The following CRYBG2 variants were observed in gnomAD, a reference collection of about 807,000 sequenced individuals.
The protein encoded by CRYBG2 is beta/gamma crystallin domain-containing protein 2.
CRYBG2 carries 106 observed loss-of-function variants against 153.4 expected under a neutral mutation model. The ratio of observed to expected loss-of-function variants is 0.69; its 90% CI spans 0.59 to 0.81. CRYBG2 has a LOEUF of 0.81. Ranked by LOEUF, CRYBG2 falls within the 30% of genes least tolerant of loss-of-function variation. The pLI is 0.00. For missense variants in CRYBG2, 1,996 were observed against 2,112.0 expected (o/e 0.95, Z 1.08); for synonymous variants, 851 against 877.8 (o/e 0.97, Z 0.54).
chr1:26,349,074 T>G (rs933301708), intron 1 of CRYBG2, among the ~76,000 whole-genome samples: 64 of 151,570 alleles, frequency 4.2e-4, no homozygotes, highest in African/African-American at 1.5e-3. Flanking sequence ...GAAGCTGAGG[T>G]AGGAGAATCG....
At chr1:26,342,662 G>A (rs1017572722) in intron 5 of CRYBG2, 92 bp downstream of exon 5, 1 of 1,539,202 alleles carries the variant, frequency 6.5e-7, no homozygotes, top group African/African-American at 1.4e-5. Context: ...GCTTCCCAAA[G>A]TGCTGGCATT....
Position 26,346,654 on chromosome 1 carries a change from C to T in CRYBG2, c.4G>A (p.Glu2Lys). The T allele has an allele frequency of 7.2e-6, 11 of 1,533,418 alleles. No homozygotes were observed. Among genetic ancestry groups the T allele is most frequent in the Non-Finnish European group, 9.7e-6 (11 of 1,137,278 alleles). The allele number at this position is 1,533,418 out of a possible 1,614,324, so 95.0% of individuals were successfully genotyped here. Residue 2 changes from glutamate to lysine, a missense_variant, in exon 2 of 20, where the codon GAG becomes AAG. Physicochemically the swap from Glu to Lys is moderately conservative, Grantham distance 56. Transcript: ENST00000308182. The surrounding 1 kb of genome is among the most constrained non-coding windows in gnomAD (Gnocchi z 4.9). Reference protein sequence around the residue: MEEAGGPMARAK... With the variant: MKEAGGPMARAK... ...CGGGCCATGGGCCCACCTGCCTCCT[C>T]CATGTGGGGCCCTGGCAACCTGTCT...
intron 1 of CRYBG2, among the ~76,000 whole-genome samples, chr1:26,350,289 A>C (rs1008850325): frequency 2.6e-5 from 4 of 152,150 alleles, no homozygotes; most frequent in Non-Finnish European, 5.9e-5. Flanking sequence ...TATAAGCAAC[A>C]GAAAATAGAC....
chr1:26,345,561 A>T lies in CRYBG2; in HGVS notation c.1097T>A (p.Leu366Gln), dbSNP rs2074204527. ...RLETHVPSPGLTHPAKQPVVP... is the reference protein window; with the variant it reads ...RLETHVPSPGQTHPAKQPVVP... The stretch of plus-strand genomic sequence containing the variant: ...CACAGGCTGCTTTGCAGGGTGAGTT[A>T]GGCCAGGAGAGGGGACATGGGTCTC... Residue 366 changes from leucine (L) to glutamine (Q), a missense_variant, in exon 2 of 20, where the codon CTA becomes CAA. By Grantham distance (113) the Leu-to-Gln change is moderately radical (BLOSUM62 -2). Coordinates refer to ENST00000308182, the MANE Select transcript of CRYBG2 (RefSeq NM_001039775.4). 2 of 1,604,534 alleles carry T rather than the reference A, an allele frequency of 1.2e-6. No homozygotes were observed. Among genetic ancestry groups the T allele is most frequent in the East Asian group, 4.5e-5 (2 of 44,794 alleles).
chr1:26,336,288 T>C lies in CRYBG2; in HGVS notation c.4071+50A>G. The C allele has an allele frequency of 6.2e-7, 1 of 1,609,132 alleles. No individual in the cohort carries two copies. ...CAGCGGGGAGGGGAAAGGTCCGAAA[T>C]GAGGGGAGAGACGTGAGCCCAGCGG... is the stretch of plus-strand genomic sequence containing the variant. On this transcript the variant is annotated intron_variant, in intron 13 of 19. Transcript: ENST00000308182. The surrounding 1 kb of genome is among the most constrained non-coding windows in gnomAD (Gnocchi z 4.9).
intron 1 of CRYBG2, among the ~76,000 whole-genome samples, chr1:26,352,366 A>G (rs2074296049): frequency 6.6e-6 from 1 of 152,128 alleles, no homozygotes; most frequent in African/African-American, 2.4e-5. Context: ...CACAAATCAC[A>G]TACAGACAGA....
chr1:26,326,828 G>A (rs11588739), intron 17 of CRYBG2: 123,941 of 508,706 alleles, frequency 0.24, 16,989 homozygotes, highest in Non-Finnish European at 0.3. Context: ...TGCATGTGGC[G>A]TGTGCCCAGG....
At position 26,324,268 on chromosome 1, in the gene CRYBG2, A is replaced by T; in HGVS notation, c.4621T>A (p.Phe1541Ile). 1.2e-6 allele frequency: 2 copies of T among 1,611,604 alleles called. No individual in the cohort carries two copies. Among genetic ancestry groups the T allele is most frequent in the East Asian group, 2.2e-5 (1 of 44,882 alleles). ...TCCACATGGTCCGGCACTGCCAGGA[A>T]TCCCCCCAGTGCTGCATTCCAGAGG... ...FRLWNAALGGFLAVPDHVEDM... is the reference protein window; with the variant it reads ...FRLWNAALGGILAVPDHVEDM... Residue 1541 changes from phenylalanine to isoleucine, a missense_variant, in exon 18 of 20, where the codon TTC becomes ATC. Transcript: ENST00000308182.
chr1:26,333,319 A>G (rs1295714670), intron 14 of CRYBG2, among the ~76,000 whole-genome samples: 1 of 152,140 alleles, frequency 6.6e-6, no homozygotes, highest in Non-Finnish European at 1.5e-5. Flanking sequence ...TAATCCCAAC[A>G]CTTTGGGAGG....
chr1:26,344,667 G>A lies in CRYBG2; in HGVS notation c.1991C>T (p.Thr664Ile). ...SLAPPLTKEE[T>I]VQGPIAPATS... ...GGCAGGAGCAATTGGGCCTTGAACA[G>A]TCTCTTCCTTGGTGAGGGGCGGGGC... Residue 664 changes from threonine (T) to isoleucine (I), a missense_variant, in exon 2 of 20, where the codon ACT (threonine) becomes ATT (isoleucine). Thr to Ile is a moderately conservative substitution (Grantham distance 89, BLOSUM62 -1). Transcript: ENST00000308182. The A allele has an allele frequency of 1.3e-6, 2 of 1,534,250 alleles. No individual in the cohort carries two copies. The highest frequency in any genetic ancestry group is 2.4e-5 in the South Asian group (2 of 83,946).
chr1:26,324,041 C>T, intron 18 of CRYBG2, 111 bp downstream of exon 18: 1 of 1,191,892 alleles, frequency 8.4e-7, no homozygotes. Context: ...TCCCCAGGGT[C>T]CTGGCTTCTG....
chr1:26,324,177 T>C lies in CRYBG2; in HGVS notation c.4712A>G (p.Tyr1571Cys). The change falls in exon 18 of 20, where the codon TAC becomes TGC. Residue 1571 changes from tyrosine to cysteine, a missense_variant. Physicochemically the swap from Tyr to Cys is radical, Grantham distance 194 (BLOSUM62 -2). Transcript: ENST00000308182. ...CTGGTTCTTCAGCAGCCCATCCTCG[T>C]AGTACCAGATGCAGCTACCTCCAGC... ...PQAGGSCIWY[Y>C]EDGLLKNQMA... 6.2e-7 allele frequency: 1 copy of C among 1,613,670 alleles called. No homozygotes were observed. Among genetic ancestry groups the C allele is most frequent in the South Asian group, 1.1e-5 (1 of 91,066 alleles).
At chr1:26,338,580 G>A (rs1446842004) in intron 6 of CRYBG2, 103 bp from the exon 7 acceptor site, 1 of 1,322,390 alleles carries the variant, frequency 7.6e-7, no homozygotes, top group East Asian at 2.5e-5. Context: ...AGGTTTTCTG[G>A]GGAGGTTCCC....
At chr1:26,330,743 T>A (rs1047039025) in intron 15 of CRYBG2, among the ~76,000 whole-genome samples, 4 of 152,042 alleles carry the variant, frequency 2.6e-5, no homozygotes, top group Non-Finnish European at 4.4e-5. Context: ...TTCACCATGT[T>A]GGCCAAGCTG....
chr1:26,337,360 CCTT>C lies in CRYBG2; in HGVS notation c.3661_3663del (p.Lys1221del), dbSNP rs759198793. 6.8e-6 allele frequency: 11 copies of C among 1,613,824 alleles called. No homozygotes were observed. In the South Asian group the frequency reaches 7.7e-5, roughly 11 times the overall value. On this transcript the variant is annotated inframe_deletion, in exon 10 of 20. Coordinates refer to ENST00000308182, the MANE Select transcript of CRYBG2 (RefSeq NM_001039775.4). ...AGATACTGGTGGCCCCGGAAGCCCT[CCTT>C]CTCGTAGCCCACCCAGCTGGGAAAA...
At chr1:26,330,314 G>C (rs1345510645) in intron 15 of CRYBG2, among the ~76,000 whole-genome samples, 2 of 152,124 alleles carry the variant, frequency 1.3e-5, no homozygotes, top group Non-Finnish European at 2.9e-5. Flanking sequence ...CCTAAAGCTG[G>C]GCTTCAGAAC....
chr1:26,349,101 G>A (rs879292165), intron 1 of CRYBG2, among the ~76,000 whole-genome samples: 3 of 151,864 alleles, frequency 2.0e-5, no homozygotes, highest in Non-Finnish European at 2.9e-5. Context: ...CCTGGGGGGC[G>A]GAGGTTGCAG....
At chr1:26,337,034 G>T in intron 10 of CRYBG2, 54 bp from the exon 11 acceptor site, 1 of 1,603,882 alleles carries the variant, frequency 6.2e-7, no homozygotes, top group Non-Finnish European at 8.5e-7. Context: ...AAACCCCTGG[G>T]AGTGCCCAGA....
chr1:26,351,411 C>T (rs890950717), intron 1 of CRYBG2, among the ~76,000 whole-genome samples: 1 of 152,188 alleles, frequency 6.6e-6, no homozygotes, highest in African/African-American at 2.4e-5. Context: ...CATTCAATTA[C>T]TCACTCATTC....
Sources: allele counts gnomAD v4.1 joint callset (sites outside exome capture counted in the v4.1 genomes callset), GRCh38; gene constraint gnomAD v4.1.1; non-coding constraint Gnocchi (gnomAD v3.1); transcripts MANE v1.5; gene names NCBI Gene and HGNC (gene_info 2026-07-23, HGNC 2026-07-21).